The following PCDH11X variants were observed in gnomAD, a reference collection of about 807,000 sequenced individuals.
The protein encoded by PCDH11X is protocadherin 11 X-linked, also known as protocadherin-11 X-linked.
A neutral mutation model predicts 53.3 loss-of-function variants in PCDH11X; 18 were observed. The ratio of observed to expected loss-of-function variants is 0.34; its 90% CI spans 0.23 to 0.50. The LOEUF is 0.50. Among genes scored for constraint, PCDH11X ranks in the 20% least tolerant of loss-of-function variants. The pLI is 0.98. For synonymous variants in PCDH11X, 279 were observed against 393.3 expected (o/e 0.71, Z 3.44); for missense variants, 570 against 1,032.4 (o/e 0.55, Z 6.14).
At chrX:92,397,486 G>A (rs2071273652) in intron 9 of PCDH11X, among the ~76,000 whole-genome samples, 1 of 109,072 alleles carries the variant, frequency 9.2e-6, no homozygotes, top group Non-Finnish European at 1.9e-5. Context: ...TTTTTGGGTG[G>A]GGGGACGGAA....
intron 7 of PCDH11X, among the ~76,000 whole-genome samples, chrX:92,259,336 A>G (rs1442043766): frequency 9.0e-6 from 1 of 111,641 alleles, no homozygotes; most frequent in East Asian, 2.8e-4. Context: ...ACTGGCTCAC[A>G]GTTATGAAAG....
At chrX:92,449,543 T>G (rs758419177) in intron 9 of PCDH11X, among the ~76,000 whole-genome samples, 5 of 111,790 alleles carry the variant, frequency 4.5e-5, no homozygotes, top group African/African-American at 1.6e-4. Context: ...TACCCCATTT[T>G]AAAGATGTGG....
At chrX:91,800,545 TA>T (rs1372911159) in intron 1 of PCDH11X, among the ~76,000 whole-genome samples, 13 of 109,017 alleles carry the variant, frequency 1.2e-4, no homozygotes, top group Non-Finnish European at 2.5e-4. Flanking sequence ...AAACTATGGA[TA>T]TTTTTTCTTA....
chrX:92,574,620 A>T (rs1465239974), intron 10 of PCDH11X, among the ~76,000 whole-genome samples: 1 of 111,599 alleles, frequency 9.0e-6, no homozygotes, highest in Non-Finnish European at 1.9e-5. Context: ...AATTATTGAA[A>T]TGCCCTTCAA....
At chrX:92,465,792 G>C (rs1371988343) in intron 9 of PCDH11X, among the ~76,000 whole-genome samples, 2 of 108,958 alleles carry the variant, frequency 1.8e-5, no homozygotes, top group Non-Finnish European at 3.8e-5. Context: ...TCAAAGAGGA[G>C]ATTTTTTTTC....
intron 6 of PCDH11X, among the ~76,000 whole-genome samples, chrX:91,899,021 C>T (rs968106944): frequency 4.5e-5 from 5 of 110,861 alleles, no homozygotes; most frequent in African/African-American, 1.6e-4. Flanking sequence ...ACCAATACCA[C>T]GTTTATTAGG....
intron 10 of PCDH11X, among the ~76,000 whole-genome samples, chrX:92,523,117 C>A (rs2074394446): frequency 8.9e-6 from 1 of 112,029 alleles, no homozygotes; most frequent in South Asian, 3.7e-4. Flanking sequence ...AATGTCTTTT[C>A]CCCCAGAATA....
intron 6 of PCDH11X, among the ~76,000 whole-genome samples, chrX:91,943,534 A>C (rs1372850011): frequency 1.8e-5 from 2 of 109,242 alleles, no homozygotes; most frequent in Non-Finnish European, 3.8e-5. Context: ...TATTTGACAA[A>C]ATTTATCATC....
chrX:92,516,267 GA>G (rs2074267386), intron 10 of PCDH11X, among the ~76,000 whole-genome samples: 1 of 110,967 alleles, frequency 9.0e-6, no homozygotes, highest in Non-Finnish European at 1.9e-5. Context: ...AAGAAACAGG[GA>G]AAAGATGATG....
intron 6 of PCDH11X, among the ~76,000 whole-genome samples, chrX:92,047,938 G>C (rs1262061136): frequency 9.0e-6 from 1 of 111,507 alleles, no homozygotes; most frequent in Non-Finnish European, 1.9e-5. Flanking sequence ...GTGCACAATG[G>C]AAAGCTGCCT....
intron 10 of PCDH11X, among the ~76,000 whole-genome samples, chrX:92,490,579 T>C (rs1392028856): frequency 9.1e-6 from 1 of 110,177 alleles, no homozygotes; most frequent in Admixed American, 9.9e-5. Flanking sequence ...AAGCCAGATG[T>C]CAGAAAGAGA....
chrX:92,246,493 C>G (rs1410170489), intron 7 of PCDH11X, among the ~76,000 whole-genome samples: 1 of 110,680 alleles, frequency 9.0e-6, no homozygotes, highest in Non-Finnish European at 1.9e-5. Flanking sequence ...GCTGGGATTA[C>G]AGTGCCCGGA....
intron 4 of PCDH11X, among the ~76,000 whole-genome samples, chrX:91,828,009 C>T (rs1450438464): frequency 9.1e-6 from 1 of 110,056 alleles, no homozygotes; most frequent in Non-Finnish European, 1.9e-5. Flanking sequence ...GAATAACAAT[C>T]TGTAAATTGT....
intron 6 of PCDH11X, among the ~76,000 whole-genome samples, chrX:91,950,058 G>A (rs1188823824): frequency 9.0e-6 from 1 of 110,887 alleles, no homozygotes; most frequent in Non-Finnish European, 1.9e-5. Context: ...TTAAATTCTT[G>A]TAGAATGTAT....
At chrX:92,184,543 G>T (rs759107078) in intron 6 of PCDH11X, among the ~76,000 whole-genome samples, 20 of 111,463 alleles carry the variant, frequency 1.8e-4, no homozygotes, top group Non-Finnish European at 3.4e-4. Context: ...TGAATAGAAA[G>T]AATAAAGCTG....
chrX:91,793,787 T>C (rs1184088410), intron 1 of PCDH11X, among the ~76,000 whole-genome samples: 1 of 111,285 alleles, frequency 9.0e-6, no homozygotes, highest in Non-Finnish European at 1.9e-5. Flanking sequence ...GGCTAAGTAC[T>C]GGTAATGCTT....
At chrX:92,100,518 C>T (rs367774423) in intron 6 of PCDH11X, among the ~76,000 whole-genome samples, 1 of 110,393 alleles carries the variant, frequency 9.1e-6, no homozygotes, top group Non-Finnish European at 1.9e-5. Context: ...AATGTCATCA[C>T]TTAAGGCAAG....
intron 10 of PCDH11X, among the ~76,000 whole-genome samples, chrX:92,500,015 A>G (rs1291028634): frequency 5.4e-5 from 6 of 110,948 alleles, no homozygotes; most frequent in African/African-American, 1.6e-4. Context: ...GCTCTTCACT[A>G]TATTTGCTGT....
At chrX:92,491,643 A>G (rs777822390) in intron 10 of PCDH11X, among the ~76,000 whole-genome samples, 2 of 110,830 alleles carry the variant, frequency 1.8e-5, no homozygotes, top group East Asian at 2.9e-4. Flanking sequence ...AATATTAACT[A>G]TAGACCTCAT....
Sources: gnomAD v4.1 joint callset for allele counts (sites outside exome capture counted in the v4.1 genomes callset) on GRCh38, gnomAD v4.1.1 for gene constraint, MANE v1.5 for transcripts, NCBI Gene and HGNC (gene_info 2026-07-23, HGNC 2026-07-21) for gene names.